Variants in RRP15 observed in about 807,000 individuals in gnomAD.
RRP15 encodes RRP15-like protein.
RRP15 carries 18 observed loss-of-function variants against 27.1 expected under a neutral mutation model. The observed-to-expected ratio is 0.66, with a 90% confidence interval of 0.46 to 0.98. The LOEUF is 0.98. Among genes scored for constraint, RRP15 ranks in the 50% least tolerant of loss-of-function variants. The pLI is 0.00. For synonymous variants in RRP15, 107 were observed against 109.4 expected, an observed-to-expected ratio of 0.98 and a Z score of 0.14; for missense variants, 359 against 337.8, an observed-to-expected ratio of 1.06 and a Z score of -0.49.
intron 4 of RRP15, 76 bp downstream of exon 4, chr1:218,307,708 A>G (rs1217983246): frequency 7.2e-6 from 7 of 965,838 alleles, no homozygotes; most frequent in Non-Finnish European, 1.1e-5. Flanking sequence ...AAACCAGACT[A>G]TAGAATTACA....
chr1:218,290,442 T>G lies in RRP15; in HGVS notation c.139+4987T>G, dbSNP rs150601414. On this transcript the variant is annotated intron_variant, in intron 1 of 4. Transcript: ENST00000366932. The stretch of plus-strand genomic sequence containing the variant: ...AACCTTGTCTTATGTGGATTTTTTT[T>G]GGGTTTTTTGTTTGTTTGTTTGTTT... Among the ~76,000 whole-genome samples the G allele has an allele frequency of 1.7e-3, 266 of 152,034 alleles. 1 individual carries two copies. Among genetic ancestry groups the G allele is most frequent in the African/African-American group, 5.3e-3 (221 of 41,334 alleles).
intron 4 of RRP15, among the ~76,000 whole-genome samples, chr1:218,318,669 A>C (rs1656127719): frequency 6.6e-6 from 1 of 152,204 alleles, no homozygotes; most frequent in Admixed American, 6.5e-5. Context: ...ATTGTAACAC[A>C]TCAGGAGACA....
chr1:218,290,126 T>C, intron 1 of RRP15, among the ~76,000 whole-genome samples: 1 of 152,144 alleles, frequency 6.6e-6, no homozygotes, highest in East Asian at 1.9e-4. Context: ...TGTTTTTTAA[T>C]CTCCAATCTG....
At chr1:218,288,419 T>A (rs1255282446) in intron 1 of RRP15, among the ~76,000 whole-genome samples, 3 of 152,238 alleles carry the variant, frequency 2.0e-5, no homozygotes, top group African/African-American at 7.2e-5. Flanking sequence ...GGAACTTTCC[T>A]ATGTGCCTGG....
intron 1 of RRP15, chr1:218,301,539 G>A (rs1234367457): frequency 1.3e-5 from 2 of 152,232 alleles, no homozygotes; most frequent in African/African-American, 4.8e-5. Context: ...TTTAAATGAT[G>A]AACTAGTTTG....
chr1:218,324,696 T>C (rs768735281), intron 4 of RRP15, among the ~76,000 whole-genome samples: 1 of 152,162 alleles, frequency 6.6e-6, no homozygotes, highest in Non-Finnish European at 1.5e-5. Context: ...ACACAGTCTC[T>C]TCTCCTTTGG....
rs1656344752 is a variant in RRP15, at chr1:218,330,255, T to C, written c.706-693T>C. ...AAGGTGGTACTGTTGTACCATGAAA[T>C]GAAAGGCTGTAATTAGTACCACATA... On this transcript the variant is annotated intron_variant, in intron 4 of 4. Coordinates refer to ENST00000366932, the MANE Select transcript of RRP15 (RefSeq NM_016052.4). Among the ~76,000 whole-genome samples, 3 of 152,204 alleles carry C rather than the reference T, an allele frequency of 2.0e-5. No homozygotes were observed. The South Asian group carries it at 6.2e-4, about 31-fold the overall frequency.
At position 218,333,713 on chromosome 1, in the gene RRP15, G is replaced by GT. The variant is rs1459109317; in HGVS notation, c.*2624dup. The stretch of plus-strand genomic sequence containing the variant: ...GGGTTACCCCATGTTGCCCAGGCTG[G>GT]TTGTGAACTCCTGAGCTCAAGGGAT... On this transcript the variant is annotated 3_prime_UTR_variant, in exon 5 of 5. Coordinates refer to ENST00000366932, the MANE Select transcript of RRP15 (RefSeq NM_016052.4). The GT allele has an allele frequency of 6.6e-6, 1 of 152,260 alleles. No homozygotes were observed. Among genetic ancestry groups the GT allele is most frequent in the Non-Finnish European group, 1.5e-5 (1 of 68,144 alleles). 9.4% of individuals were successfully genotyped at this position (152,260 alleles called of 1,614,324 possible). A position where few individuals can be genotyped will look rare whatever the true frequency, so the allele number is the denominator to read the frequency against.
chr1:218,286,862 C>A (rs1655556187), intron 1 of RRP15, among the ~76,000 whole-genome samples: 1 of 152,188 alleles, frequency 6.6e-6, no homozygotes, highest in African/African-American at 2.4e-5. Flanking sequence ...TTTTTAAATT[C>A]ATTAGACTAG....
intron 4 of RRP15, among the ~76,000 whole-genome samples, chr1:218,317,831 G>T (rs1377545114): frequency 6.7e-6 from 1 of 150,306 alleles, no homozygotes; most frequent in Non-Finnish European, 1.5e-5. Context: ...AACCTCCTGG[G>T]CTCAAGTGAT....
At chr1:218,318,755 T>A (rs964067073) in intron 4 of RRP15, among the ~76,000 whole-genome samples, 1 of 151,860 alleles carries the variant, frequency 6.6e-6, no homozygotes, top group African/African-American at 2.4e-5. Flanking sequence ...TTTTTTTTTT[T>A]ATTAAAGGTG....
At position 218,285,799 on chromosome 1, in the gene RRP15, A is replaced by G. The variant is rs369423006; in HGVS notation, c.139+344A>G. Among the ~76,000 whole-genome samples, 57 of 152,190 alleles carry G rather than the reference A, an allele frequency of 3.7e-4. 1 individual carries two copies. The South Asian group carries it at 8.1e-3, about 22-fold the overall frequency. The stretch of plus-strand genomic sequence containing the variant: ...TGAAAACAGGAGAAGAATGGGTCTC[A>G]TAGGGTGTAAGAAGCAAAAGGTTAA... On this transcript the variant is annotated intron_variant, in intron 1 of 4. Coordinates refer to ENST00000366932, the MANE Select transcript of RRP15 (RefSeq NM_016052.4).
chr1:218,302,676 T>A, intron 2 of RRP15, 117 bp downstream of exon 2: 1 of 1,462,936 alleles, frequency 6.8e-7, no homozygotes, highest in Non-Finnish European at 9.2e-7. Context: ...AACTTGTTTT[T>A]TATGTGAAGG....
chr1:218,333,105 G>A lies in RRP15; in HGVS notation c.*2014G>A, dbSNP rs1473022014. The A allele has an allele frequency of 1.3e-5, 2 of 152,018 alleles. No individual in the cohort carries two copies. The highest frequency in any genetic ancestry group is 2.9e-5 in the Non-Finnish European group (2 of 67,988). The allele number at this position is 152,018 out of a possible 1,614,324, so 9.4% of individuals were successfully genotyped here. ...ATTTGACAAGATCTTCACATTGAAA[G>A]TAAGGACGAGAATATTTGCAGATTT... On this transcript the variant is annotated 3_prime_UTR_variant, in exon 5 of 5. Transcript: ENST00000366932.
intron 4 of RRP15, among the ~76,000 whole-genome samples, chr1:218,330,163 T>G (rs1192595455): frequency 2.0e-5 from 3 of 152,130 alleles, no homozygotes; most frequent in Non-Finnish European, 4.4e-5. Context: ...TAATTCTCAA[T>G]AAATATTTGT....
At chr1:218,305,216 C>T in intron 3 of RRP15, 91 bp downstream of exon 3, 1 of 950,944 alleles carries the variant, frequency 1.1e-6, no homozygotes, top group South Asian at 1.5e-5. Context: ...TTAAGCTCAG[C>T]CTTCTCAGAG....
chr1:218,302,999 G>A (rs928599591), intron 2 of RRP15, among the ~76,000 whole-genome samples: 1 of 151,796 alleles, frequency 6.6e-6, no homozygotes, highest in African/African-American at 2.4e-5. Flanking sequence ...TTCTGAAAAC[G>A]GATTATTTCA....
chr1:218,305,525 A>T (rs1180635911), intron 3 of RRP15, among the ~76,000 whole-genome samples: 1 of 152,106 alleles, frequency 6.6e-6, no homozygotes. Flanking sequence ...TTATTTATTC[A>T]TTGGCACCAA....
rs183098009 is a variant in RRP15 at position 218,311,890 on chromosome 1, G to C, written c.705+4258G>C. Among the ~76,000 whole-genome samples the C allele has an allele frequency of 1.2e-3, 178 of 152,316 alleles. 1 individual carries two copies. The highest frequency in any genetic ancestry group is 2.5e-3 in the South Asian group (12 of 4,824). On this transcript the variant is annotated intron_variant, in intron 4 of 4. Transcript: ENST00000366932. Reference sequence around the variant, plus strand: ...ATCTTGAGATGAAGGAGGTAATCTCGAATTATTCGGGTAGGCCCTAAGACC... The same window carrying C: ...ATCTTGAGATGAAGGAGGTAATCTCCAATTATTCGGGTAGGCCCTAAGACC...
Sources: allele counts gnomAD v4.1 joint callset (sites outside exome capture counted in the v4.1 genomes callset), GRCh38; gene constraint gnomAD v4.1.1; transcripts MANE v1.5; gene names NCBI Gene and HGNC (gene_info 2026-07-23, HGNC 2026-07-21).